The following NARS1 variants were observed in gnomAD, a reference collection of about 807,000 sequenced individuals.
The protein encoded by NARS1 is asparagine--tRNA ligase, cytoplasmic.
A neutral mutation model predicts 79.2 loss-of-function variants in NARS1; 65 were observed. The ratio of observed to expected loss-of-function variants is 0.82; its 90% CI spans 0.67 to 1.01. The LOEUF (loss-of-function observed/expected upper bound fraction) is 1.01. Among genes scored for constraint, NARS1 ranks in the 50% least tolerant of loss-of-function variants. NARS1 has a pLI of 0.00. For synonymous variants in NARS1, 229 were observed against 238.8 expected, an observed-to-expected ratio of 0.96 and a Z score of 0.38; for missense variants, 649 against 673.8, an observed-to-expected ratio of 0.96 and a Z score of 0.41.
In NARS1 at chr18:57,607,262, C is replaced by G. The variant is rs778760251; in HGVS notation, c.873G>C (p.Gly291=). 2 of 1,614,048 alleles carry G rather than the reference C, an allele frequency of 1.2e-6. No individual in the cohort carries two copies. The highest frequency in any genetic ancestry group is 1.1e-5 in the South Asian group (1 of 91,076). ...AGGATTGAGTCAAAAATGCCTCTTC[C>G]CCAAAATAGTCAAGCTTGAAGAGTG... ...GATLFKLDYF[G]EEAFLTQSSQ... is the part of the protein sequence containing the mutation. Residue 291 remains glycine (G), a synonymous_variant, in exon 9 of 14, where the codon GGG becomes GGC. Coordinates refer to ENST00000256854, the MANE Select transcript of NARS1 (RefSeq NM_004539.4).
At chr18:57,604,318 C>T (rs11663333) in intron 11 of NARS1, among the ~76,000 whole-genome samples, 26,677 of 151,956 alleles carry the variant, frequency 0.18, 2,649 homozygotes, top group East Asian at 0.33. Flanking sequence ...CTCGGGAGGC[C>T]GAGGTGAGAG....
chr18:57,601,841 T>C (rs1260646605), intron 13 of NARS1, 58 bp from the exon 14 acceptor site: 1 of 1,566,148 alleles, frequency 6.4e-7, no homozygotes, highest in Non-Finnish European at 8.8e-7. Flanking sequence ...AACTTTCATC[T>C]AAGACAGTTA....
At chr18:57,607,386 C>G in intron 8 of NARS1, 53 bp from the exon 9 acceptor site, 2 of 1,610,874 alleles carry the variant, frequency 1.2e-6, no homozygotes. Flanking sequence ...CACCACTATT[C>G]AAGTTTCAAA....
At chr18:57,604,328 G>T (rs1307171431) in intron 11 of NARS1, among the ~76,000 whole-genome samples, 1 of 152,104 alleles carries the variant, frequency 6.6e-6, no homozygotes, top group Non-Finnish European at 1.5e-5. Flanking sequence ...CGAGGTGAGA[G>T]GACTGCTCGA....
intron 7 of NARS1, among the ~76,000 whole-genome samples, chr18:57,608,145 C>A (rs2051576086): frequency 6.6e-6 from 1 of 151,968 alleles, no homozygotes; most frequent in Admixed American, 6.6e-5. Flanking sequence ...GGATTACAGG[C>A]ATGAGCCACC....
chr18:57,602,770 TA>T (rs34725028), intron 12 of NARS1, 41 bp downstream of exon 12: 1 of 1,605,806 alleles, frequency 6.2e-7, no homozygotes, highest in Non-Finnish European at 8.5e-7. Flanking sequence ...CCCACCCCCT[TA>T]AAAAGCAAAA....
rs183413303 is a variant in NARS1, at chr18:57,613,221, C to A, written c.421+381G>T. Among the ~76,000 whole-genome samples the A allele has an allele frequency of 2.5e-3, 372 of 151,022 alleles. 1 individual carries two copies. Among genetic ancestry groups the A allele is most frequent in the Middle Eastern group, 7.1e-3 (2 of 282 alleles). On this transcript the variant is annotated intron_variant, in intron 5 of 13. Transcript: ENST00000256854. ...CCAAAAAAAAAAAGAGGGCCGGGCG[C>A]AGCGGCTCATACCTGTAATCCCAGC...
chr18:57,620,765 A>T, intron 1 of NARS1, 114 bp from the exon 2 acceptor site: 1 of 569,828 alleles, frequency 1.8e-6, no homozygotes, highest in Non-Finnish European at 3.1e-6. Context: ...ATAAAAATTG[A>T]GGTCCATAAG....
intron 2 of NARS1, 58 bp downstream of exon 2, chr18:57,620,511 A>G: frequency 8.1e-7 from 1 of 1,227,914 alleles, no homozygotes; most frequent in Non-Finnish European, 1.2e-6. Context: ...GTCACAAGAA[A>G]ATTGACATAA....
At chr18:57,610,816 C>T (rs372036581) in intron 6 of NARS1, among the ~76,000 whole-genome samples, 1 of 152,112 alleles carries the variant, frequency 6.6e-6, no homozygotes, top group Non-Finnish European at 1.5e-5. Flanking sequence ...TATCACTAAA[C>T]GCAGCATGTT....
chr18:57,618,098 G>A (rs922039061), intron 2 of NARS1, among the ~76,000 whole-genome samples: 10 of 150,406 alleles, frequency 6.6e-5, no homozygotes, highest in African/African-American at 2.4e-4. Flanking sequence ...CCAACACGGT[G>A]AAACACCATC....
intron 5 of NARS1, among the ~76,000 whole-genome samples, 180 bp downstream of exon 5, chr18:57,613,422 G>A (rs2051621334): frequency 6.6e-6 from 1 of 152,166 alleles, no homozygotes; most frequent in East Asian, 1.9e-4. Flanking sequence ...GAACCTGAGA[G>A]GCGGAGGTTG....
rs774944824 is a variant in NARS1, at chr18:57,615,959, C to T, written c.110G>A (p.Gly37Glu). The T allele has an allele frequency of 1.9e-6, 3 of 1,608,074 alleles. No homozygotes were observed. The highest frequency in any genetic ancestry group is 4.5e-5 in the East Asian group (2 of 44,856). The change falls in exon 3 of 14, where the codon GGG becomes GAG. Residue 37 changes from glycine (G) to glutamate (E), a missense_variant. Transcript: ENST00000256854. ...GTAAATGGTAGGAAATGGTTCTTTC[C>T]CTACTGTCATCAAAGCCTTGGGTAG... ...KTGLKALMTV[G>E]KEPFPTIYVD... is the part of the protein sequence containing the mutation.
In NARS1 at chr18:57,601,633, A is replaced by G. The variant is rs1471577606; in HGVS notation, c.*19T>C. On this transcript the variant is annotated 3_prime_UTR_variant, in exon 14 of 14. Coordinates refer to ENST00000256854, the MANE Select transcript of NARS1 (RefSeq NM_004539.4). ...CTGTTCCTTTCATAATCTTTCCTCC[A>G]CGCTTCTGGAGAAAATGGTTATGGC... 2 of 1,611,086 alleles carry G rather than the reference A, an allele frequency of 1.2e-6. No individual in the cohort carries two copies. Among genetic ancestry groups the G allele is most frequent in the South Asian group, 2.2e-5 (2 of 90,832 alleles).
intron 6 of NARS1, among the ~76,000 whole-genome samples, chr18:57,610,697 C>T (rs968930047): frequency 1.3e-5 from 2 of 151,496 alleles, no homozygotes; most frequent in Admixed American, 1.3e-4. Flanking sequence ...GACAATCCAC[C>T]AGGGTTTTCC....
At chr18:57,615,774 T>C (rs1376597956) in intron 3 of NARS1, 43 bp downstream of exon 3, 1 of 1,610,864 alleles carries the variant, frequency 6.2e-7, no homozygotes, top group African/African-American at 1.3e-5. Flanking sequence ...GTTGCCAGAG[T>C]TCTAACTTTA....
intron 7 of NARS1, 92 bp downstream of exon 7, chr18:57,609,265 A>C (rs554585690): frequency 9.8e-7 from 1 of 1,025,292 alleles, no homozygotes; most frequent in East Asian, 2.4e-5. Flanking sequence ...GAAGAACCCT[A>C]ATACATATGC....
chr18:57,606,888 A>G, intron 9 of NARS1, 137 bp from the exon 10 acceptor site: 1 of 1,113,602 alleles, frequency 9.0e-7, no homozygotes, highest in Non-Finnish European at 1.3e-6. Flanking sequence ...TTAGCTGTGG[A>G]CTCCCCTCTT....
chr18:57,604,998 T>C (rs2051540929), intron 11 of NARS1, among the ~76,000 whole-genome samples: 2 of 152,078 alleles, frequency 1.3e-5, no homozygotes, highest in Non-Finnish European at 2.9e-5. Flanking sequence ...AGACCTTCTC[T>C]CTTGGTTTTG....
Sources: gnomAD v4.1 joint callset for allele counts (sites outside exome capture counted in the v4.1 genomes callset) on GRCh38, gnomAD v4.1.1 for gene constraint, MANE v1.5 for transcripts, NCBI Gene and HGNC (gene_info 2026-07-23, HGNC 2026-07-21) for gene names.